The following IFI16 variants were observed in gnomAD, a reference collection of about 807,000 sequenced individuals.
The protein encoded by IFI16 is gamma-interferon-inducible protein 16.
Under a neutral mutation model 68.4 loss-of-function variants are expected in IFI16, and 49 were observed. That is an observed-to-expected ratio of 0.72 (90% CI 0.57 to 0.91). IFI16 has a LOEUF of 0.91. Ranked by LOEUF, IFI16 falls within the 40% of genes least tolerant of loss-of-function variation. IFI16 has a pLI of 0.00. For synonymous variants in IFI16, 307 were observed against 315.0 expected, an observed-to-expected ratio of 0.97 and a Z score of 0.27; for missense variants, 878 against 942.9, an observed-to-expected ratio of 0.93 and a Z score of 0.90.
chr1:159,053,761 C>A lies in IFI16; in HGVS notation c.2277+37C>A, dbSNP rs776432770. The A allele has an allele frequency of 2.6e-6, 4 of 1,514,808 alleles. No individual in the cohort carries two copies. In the South Asian group the frequency reaches 3.4e-5, roughly 13 times the overall value. The allele number at this position is 1,514,808 out of a possible 1,614,324, so 93.8% of individuals were successfully genotyped here. ...ATAGGAACATCATTTTTCCAAGTGGCGAATCATTTTGTTTATACTTTAAGA... is the reference window on the plus strand; with the variant it reads ...ATAGGAACATCATTTTTCCAAGTGGAGAATCATTTTGTTTATACTTTAAGA... On this transcript the variant is annotated intron_variant, in intron 11 of 11. Coordinates refer to ENST00000295809, the MANE Select transcript of IFI16 (RefSeq NM_001376587.1).
chr1:159,043,748 T>G (rs1340591929), intron 7 of IFI16, among the ~76,000 whole-genome samples: 1 of 152,128 alleles, frequency 6.6e-6, no homozygotes, highest in Admixed American at 6.6e-5. Flanking sequence ...AGAGGAGGAT[T>G]TATTCTGAGG....
intron 7 of IFI16, among the ~76,000 whole-genome samples, chr1:159,037,139 T>C (rs1277581579): frequency 2.3e-4 from 35 of 152,222 alleles, no homozygotes; most frequent in Admixed American, 2.3e-3. Flanking sequence ...GTCAGTTTTC[T>C]GACGCATAAT....
chr1:159,026,139 C>A (rs961096258), intron 6 of IFI16, among the ~76,000 whole-genome samples: 1 of 151,680 alleles, frequency 6.6e-6, no homozygotes, highest in Non-Finnish European at 1.5e-5. Flanking sequence ...TGTTCTTTTT[C>A]CTTAGTTTTG....
chr1:159,010,534 G>C (rs1170310539), intron 1 of IFI16, among the ~76,000 whole-genome samples: 1 of 152,058 alleles, frequency 6.6e-6, no homozygotes, highest in Non-Finnish European at 1.5e-5. Context: ...ATAGTGACAT[G>C]AAAAAAGTAT....
At chr1:159,048,986 A>G (rs1247943548) in intron 8 of IFI16, among the ~76,000 whole-genome samples, 3 of 151,196 alleles carry the variant, frequency 2.0e-5, no homozygotes, top group Non-Finnish European at 4.4e-5. Context: ...AGAGATCCCT[A>G]AAGGATGGAG....
At chr1:159,017,100 AC>A (rs2101818204) in intron 4 of IFI16, among the ~76,000 whole-genome samples, 1 of 152,066 alleles carries the variant, frequency 6.6e-6, no homozygotes, top group African/African-American at 2.4e-5. Context: ...AGATTAAACA[AC>A]CTCCCCTGCA....
intron 4 of IFI16, among the ~76,000 whole-genome samples, chr1:159,016,967 G>A (rs555488583): frequency 1.3e-5 from 2 of 152,296 alleles, no homozygotes; most frequent in East Asian, 3.9e-4. Context: ...TGGGCTCACT[G>A]TCTACTGCTC....
upstream of IFI16, among the ~76,000 whole-genome samples, chr1:159,007,051 T>G (rs111422248): frequency 0.014 from 2,161 of 152,132 alleles, 50 homozygotes; most frequent in African/African-American, 0.05. Flanking sequence ...AATGGAAGTA[T>G]TGGGGAAAAG....
At position 159,013,097 on chromosome 1, in the gene IFI16, A is replaced by G. The variant is rs76279768; in HGVS notation, c.-20-1564A>G. ...GTTTCACTATAATGTGTTTTTGTAT[A>G]GATTTTCCCTTCATTCTCTGGACCT... is the stretch of plus-strand genomic sequence containing the variant. On this transcript the variant is annotated intron_variant, in intron 1 of 11. Transcript: ENST00000295809. Among the ~76,000 whole-genome samples, 58 of 150,114 alleles carry G rather than the reference A, an allele frequency of 3.9e-4. No homozygotes were observed. The East Asian group carries it at 0.01, about 26-fold the overall frequency.
intron 11 of IFI16, among the ~76,000 whole-genome samples, chr1:159,054,230 T>A (rs1227366101): frequency 6.6e-6 from 1 of 152,230 alleles, no homozygotes; most frequent in African/African-American, 2.4e-5. Context: ...ATACACTGGT[T>A]TACATCAGAC....
intron 5 of IFI16, among the ~76,000 whole-genome samples, chr1:159,019,428 G>C (rs917002981): frequency 1.3e-5 from 2 of 151,336 alleles, no homozygotes; most frequent in African/African-American, 4.9e-5. Context: ...TTGTTTCCTA[G>C]AACAACTCAT....
At chr1:159,030,233 T>C (rs1310638075) in intron 6 of IFI16, among the ~76,000 whole-genome samples, 1 of 152,210 alleles carries the variant, frequency 6.6e-6, no homozygotes, top group East Asian at 1.9e-4. Flanking sequence ...TAAGTTGGTA[T>C]TCATCCTTCT....
intron 7 of IFI16, among the ~76,000 whole-genome samples, chr1:159,036,847 A>G (rs1654353915): frequency 6.6e-6 from 1 of 152,190 alleles, no homozygotes; most frequent in Non-Finnish European, 1.5e-5. Flanking sequence ...CTGTGACCAC[A>G]CAGTTTTCTA....
chr1:159,012,637 A>G (rs1652640557), intron 1 of IFI16, among the ~76,000 whole-genome samples: 1 of 152,206 alleles, frequency 6.6e-6, no homozygotes, highest in Non-Finnish European at 1.5e-5. Context: ...ATTTGCTTCT[A>G]CAGAAGGGTG....
chr1:159,032,559 C>A lies in IFI16; in HGVS notation c.1197C>A (p.Pro399=), dbSNP rs780360586. The change falls in exon 7 of 12, where the codon CCC becomes CCA. Residue 399 remains proline, a synonymous_variant. Coordinates refer to ENST00000295809, the MANE Select transcript of IFI16 (RefSeq NM_001376587.1). ...AAACAAACCCGAGAAACAATGACCCCAAGAGCATGAAGCTACCCCAGGAAC... is the reference window on the plus strand; with the variant it reads ...AAACAAACCCGAGAAACAATGACCCAAAGAGCATGAAGCTACCCCAGGAAC... ...KKKTNPRNND[P]KSMKLPQEQR... 3.1e-6 allele frequency: 5 copies of A among 1,608,874 alleles called. No individual in the cohort carries two copies. In the East Asian group the frequency reaches 1.1e-4, roughly 36 times the overall value.
At chr1:159,028,403 A>T (rs544853723) in intron 6 of IFI16, among the ~76,000 whole-genome samples, 170 of 151,752 alleles carry the variant, frequency 1.1e-3, no homozygotes, top group African/African-American at 3.8e-3. Flanking sequence ...TTTTTTTTTT[A>T]AATTTTTGAG....
upstream of IFI16, among the ~76,000 whole-genome samples, chr1:159,007,557 A>G (rs570520738): frequency 1.4e-4 from 21 of 152,306 alleles, no homozygotes; most frequent in South Asian, 3.9e-3. Context: ...TTACTGCTAC[A>G]CACTGGATTA....
intron 6 of IFI16, among the ~76,000 whole-genome samples, chr1:159,024,009 T>C (rs759818764): frequency 6.6e-6 from 1 of 152,220 alleles, no homozygotes; most frequent in Admixed American, 6.5e-5. Flanking sequence ...AGAGCCACCA[T>C]ATGTCCATTT....
chr1:159,017,976 T>A (rs1221182786), intron 4 of IFI16, among the ~76,000 whole-genome samples: 1 of 152,216 alleles, frequency 6.6e-6, no homozygotes, highest in Non-Finnish European at 1.5e-5. Flanking sequence ...GCTCTTATGC[T>A]TTATTTCTTA....
Sources: gnomAD v4.1 joint callset for allele counts (sites outside exome capture counted in the v4.1 genomes callset) on GRCh38, gnomAD v4.1.1 for gene constraint, MANE v1.5 for transcripts, NCBI Gene and HGNC (gene_info 2026-07-23, HGNC 2026-07-21) for gene names.